MCTP1: variants seen among roughly 807,000 people sequenced by gnomAD.
The protein encoded by MCTP1 is multiple C2 and transmembrane domain-containing protein 1.
Under a neutral mutation model 120.6 loss-of-function variants are expected in MCTP1, and 69 were observed. The observed-to-expected ratio is 0.57, with a 90% CI of 0.47 to 0.70. The LOEUF is 0.70. Among genes scored for constraint, MCTP1 ranks in the 30% least tolerant of loss-of-function variants. The probability of loss-of-function intolerance (pLI) is 0.00; values close to 1 mark genes in which losing one functional copy is unlikely to be tolerated. For missense variants in MCTP1, 1,203 were observed against 1,248.8 expected, an observed-to-expected ratio of 0.96 and a Z score of 0.55; for synonymous variants, 529 against 493.1, an observed-to-expected ratio of 1.07 and a Z score of -0.96.
chr5:94,860,902 G>T (rs1795662141), intron 17 of MCTP1, among the ~76,000 whole-genome samples: 1 of 151,394 alleles, frequency 6.6e-6, no homozygotes, highest in Non-Finnish European at 1.5e-5. Flanking sequence ...GAGAAACACT[G>T]ATTTAAGATC....
intron 18 of MCTP1, among the ~76,000 whole-genome samples, chr5:94,783,070 C>T (rs1776910448): frequency 6.6e-6 from 1 of 152,092 alleles, no homozygotes; most frequent in South Asian, 2.1e-4. Flanking sequence ...TAATGTCGCT[C>T]GTCACAGACT....
intron 1 of MCTP1, among the ~76,000 whole-genome samples, chr5:95,169,431 C>G (rs900997711): frequency 4.6e-5 from 7 of 152,120 alleles, no homozygotes; most frequent in African/African-American, 1.7e-4. Flanking sequence ...AGGGAGGATT[C>G]CCTCTTTTTC....
intron 7 of MCTP1, among the ~76,000 whole-genome samples, chr5:94,918,828 G>A (rs1006326602): frequency 6.6e-6 from 1 of 152,172 alleles, no homozygotes; most frequent in African/African-American, 2.4e-5. Flanking sequence ...TGCTGTTTTC[G>A]CACTCCAGTG....
rs537699270 is a variant in MCTP1, at chr5:95,028,726, C to A, written c.721-11242G>T. 2.6e-5 allele frequency among the ~76,000 whole-genome samples: 4 copies of A among 152,274 alleles called. No individual in the cohort carries two copies. The East Asian group carries it at 7.7e-4, about 29-fold the overall frequency. On this transcript the variant is annotated intron_variant, in intron 1 of 22. Transcript: ENST00000515393. ...GACCATGTAAACAGACTTTGTGTTG[C>A]AAGATACAAATTTTGTTGAAGAAAG... is the stretch of plus-strand genomic sequence containing the variant.
intron 1 of MCTP1, among the ~76,000 whole-genome samples, chr5:95,148,629 T>A (rs1760627079): frequency 6.6e-6 from 1 of 152,204 alleles, no homozygotes; most frequent in South Asian, 2.1e-4. Flanking sequence ...TTGGATTGGG[T>A]TTCAACTTTT....
intron 19 of MCTP1, among the ~76,000 whole-genome samples, chr5:94,733,936 C>G (rs1763637346): frequency 6.6e-6 from 1 of 150,972 alleles, no homozygotes; most frequent in Non-Finnish European, 1.5e-5. Flanking sequence ...TGTACTCCAG[C>G]CTAGGCAACA....
At chr5:94,777,921 A>AGTGTGTGTGT (rs1460355421) in intron 19 of MCTP1, among the ~76,000 whole-genome samples, 10 of 82,256 alleles carry the variant, frequency 1.2e-4, no homozygotes, top group African/African-American at 5.7e-4. Flanking sequence ...GAAGGGAGAA[A>AGTGTGTGTGT]GTGTGCGTGT....
At chr5:94,984,791 T>C (rs1260085688) in intron 2 of MCTP1, among the ~76,000 whole-genome samples, 2 of 152,128 alleles carry the variant, frequency 1.3e-5, no homozygotes, top group African/African-American at 4.8e-5. Context: ...ATATTTAATA[T>C]AAAGGTAAAT....
At chr5:94,940,984 G>T (rs890406950) in intron 4 of MCTP1, among the ~76,000 whole-genome samples, 2 of 151,806 alleles carry the variant, frequency 1.3e-5, no homozygotes, top group East Asian at 3.9e-4. Context: ...TGAGGAGAGG[G>T]AATTGCTAGT....
intron 1 of MCTP1, among the ~76,000 whole-genome samples, chr5:95,022,334 T>G (rs1216631994): frequency 6.6e-6 from 1 of 152,170 alleles, no homozygotes; most frequent in African/African-American, 2.4e-5. Context: ...GAATAGAACT[T>G]ACACTTTAAA....
At position 94,706,533 on chromosome 5, in the gene MCTP1, T is replaced by G. The variant is rs900276744; in HGVS notation, c.*963A>C. On this transcript the variant is annotated 3_prime_UTR_variant, in exon 23 of 23. Coordinates refer to ENST00000515393, the MANE Select transcript of MCTP1 (RefSeq NM_024717.7). ...ATTAAAATTCACACTAATAACAAAA[T>G]CATAGTATGAATTAAAGCATTTCAG... is the stretch of plus-strand genomic sequence containing the variant. 6.6e-6 allele frequency: 1 copy of G among 151,318 alleles called. No individual in the cohort carries two copies. The highest frequency in any genetic ancestry group is 1.5e-5 in the Non-Finnish European group (1 of 67,738). 9.4% of individuals were successfully genotyped at this position (151,318 alleles called of 1,614,324 possible). A position where few individuals can be genotyped will look rare whatever the true frequency, so the allele number is the denominator to read the frequency against.
intron 1 of MCTP1, among the ~76,000 whole-genome samples, chr5:95,018,529 C>G (rs1213066613): frequency 7.0e-6 from 1 of 143,688 alleles, no homozygotes; most frequent in African/African-American, 2.5e-5. Flanking sequence ...GTTTTAAGAC[C>G]AAGGCAAATA....
At chr5:94,819,413 G>A (rs556353320) in intron 17 of MCTP1, among the ~76,000 whole-genome samples, 8 of 152,244 alleles carry the variant, frequency 5.3e-5, no homozygotes, top group Admixed American at 5.2e-4. Context: ...TTACAGGCAT[G>A]AGCCACCATG....
intron 3 of MCTP1, among the ~76,000 whole-genome samples, chr5:94,951,319 C>G (rs1820511895): frequency 6.6e-6 from 1 of 152,172 alleles, no homozygotes; most frequent in South Asian, 2.1e-4. Context: ...TAGATGAATA[C>G]TTATTCTTGA....
At position 95,166,766 on chromosome 5, in the gene MCTP1, A is replaced by C. The variant is rs1341790278; in HGVS notation, c.720+117090T>G. ...GTATTTTTAGTAGAGATGGGGTTTCACCGTGTTAGCCAGGATGGTCTTGAT... is the reference window on the plus strand; with the variant it reads ...GTATTTTTAGTAGAGATGGGGTTTCCCCGTGTTAGCCAGGATGGTCTTGAT... On this transcript the variant is annotated intron_variant, in intron 1 of 22. Transcript: ENST00000515393. Among the ~76,000 whole-genome samples, 4 of 151,728 alleles carry C rather than the reference A, an allele frequency of 2.6e-5. No individual in the cohort carries two copies. The East Asian group carries it at 7.8e-4, about 29-fold the overall frequency.
At position 94,826,181 on chromosome 5, in the gene MCTP1, G is replaced by C. The variant is rs1787027959; in HGVS notation, c.2437-27049C>G. On this transcript the variant is annotated intron_variant, in intron 17 of 22. Coordinates refer to ENST00000515393, the MANE Select transcript of MCTP1 (RefSeq NM_024717.7). ...TTTACCAAGAGATCGAGCAATCAAA[G>C]CATTATCTGTCCAAGCAATTTGCTT... 1.3e-5 allele frequency: 5 copies of C among 392,558 alleles called. No homozygotes were observed. The South Asian group carries it at 1.3e-4, about 10-fold the overall frequency. The allele number at this position is 392,558 out of a possible 1,614,324, so 24.3% of individuals were successfully genotyped here.
At chr5:94,847,682 G>GTGTGTGTATATATATATATATA (rs1169588105) in intron 17 of MCTP1, among the ~76,000 whole-genome samples, 2 of 102,378 alleles carry the variant, frequency 2.0e-5, no homozygotes, top group African/African-American at 7.7e-5. Flanking sequence ...GTGTGTGTGT[G>GTGTGTGTATATATATATATATA]TATATATATA....
intron 19 of MCTP1, among the ~76,000 whole-genome samples, chr5:94,720,381 GGAT>G (rs1317127808): frequency 2.6e-5 from 4 of 151,988 alleles, no homozygotes; most frequent in South Asian, 4.1e-4. Flanking sequence ...ACAAATGATG[GGAT>G]GATATTTCTA....
At chr5:94,906,619 C>A (rs1006659056) in intron 10 of MCTP1, among the ~76,000 whole-genome samples, 2 of 152,078 alleles carry the variant, frequency 1.3e-5, no homozygotes, top group African/African-American at 4.8e-5. Flanking sequence ...GAAACAAACT[C>A]TGTTATTGAG....
Sources: allele counts gnomAD v4.1 joint callset (sites outside exome capture counted in the v4.1 genomes callset), GRCh38; gene constraint gnomAD v4.1.1; transcripts MANE v1.5; gene names NCBI Gene and HGNC (gene_info 2026-07-23, HGNC 2026-07-21).